KCNMA1: variants seen among roughly 807,000 people sequenced by gnomAD.
KCNMA1 encodes the protein Calcium-activated potassium channel subunit alpha-1.
In KCNMA1, 29 loss-of-function variants were observed where a neutral mutation model predicts 140.0. That is an observed-to-expected ratio of 0.21 (90% CI 0.15 to 0.28). The LOEUF (loss-of-function observed/expected upper bound fraction) is 0.28. Among genes scored for constraint, KCNMA1 ranks in the 10% least tolerant of loss-of-function variants. The pLI is 1.00. For missense variants in KCNMA1, 880 were observed against 1,602.2 expected, an observed-to-expected ratio of 0.55 and a Z score of 7.70; for synonymous variants, 612 against 611.9, an observed-to-expected ratio of 1.00 and a Z score of 0.00.
intron 1 of KCNMA1, chr10:77,587,846 C>T (rs765240387): frequency 1.5e-4 from 145 of 985,176 alleles, no homozygotes; most frequent in Non-Finnish European, 1.7e-4. Context: ...ATCTCACGGC[C>T]CCAGTCTTCA....
chr10:77,610,946 C>G (rs951029452), intron 1 of KCNMA1, among the ~76,000 whole-genome samples: 1 of 152,250 alleles, frequency 6.6e-6, no homozygotes, highest in Non-Finnish European at 1.5e-5. Flanking sequence ...GCTCTGGAGT[C>G]CAACTGTCCA....
intron 1 of KCNMA1, among the ~76,000 whole-genome samples, chr10:77,558,240 A>G (rs1326444160): frequency 6.6e-6 from 1 of 152,176 alleles, no homozygotes; most frequent in Non-Finnish European, 1.5e-5. Context: ...AAAAAAATAT[A>G]ACACAGATGG....
At chr10:77,139,512 C>A (rs2098121722) in intron 5 of KCNMA1, among the ~76,000 whole-genome samples, 1 of 152,172 alleles carries the variant, frequency 6.6e-6, no homozygotes, top group African/African-American at 2.4e-5. Flanking sequence ...TTGTTAGGCA[C>A]AATTACATAA....
intron 25 of KCNMA1, among the ~76,000 whole-genome samples, chr10:76,900,167 ACT>A (rs2044495911): frequency 6.6e-6 from 1 of 152,054 alleles, no homozygotes; most frequent in Non-Finnish European, 1.5e-5. Flanking sequence ...TATAATGTAC[ACT>A]GTTTCATAAT....
intron 1 of KCNMA1, among the ~76,000 whole-genome samples, chr10:77,620,728 AC>A (rs985458727): frequency 1.3e-5 from 2 of 152,100 alleles, no homozygotes; most frequent in Non-Finnish European, 2.9e-5. Context: ...ATTTTTGGAA[AC>A]CCAAATTCTT....
At chr10:77,483,038 ACACC>A in intron 1 of KCNMA1, among the ~76,000 whole-genome samples, 1 of 114,166 alleles carries the variant, frequency 8.8e-6, no homozygotes, top group Admixed American at 9.6e-5. Context: ...ACACACACAC[ACACC>A]CCTTGTTCTT....
intron 2 of KCNMA1, among the ~76,000 whole-genome samples, chr10:77,399,365 C>T (rs766601257): frequency 2.0e-5 from 3 of 152,176 alleles, no homozygotes; most frequent in Non-Finnish European, 2.9e-5. Flanking sequence ...TTTATCAGCA[C>T]GTCTTCCAGC....
intron 5 of KCNMA1, among the ~76,000 whole-genome samples, chr10:77,131,604 G>C (rs1192428484): frequency 6.6e-6 from 1 of 151,970 alleles, no homozygotes; most frequent in Non-Finnish European, 1.5e-5. Flanking sequence ...ACTAGGGGGT[G>C]ACAGGCAATA....
chr10:77,147,166 A>C (rs1403464498), intron 5 of KCNMA1, among the ~76,000 whole-genome samples: 1 of 152,244 alleles, frequency 6.6e-6, no homozygotes, highest in Admixed American at 6.5e-5. Context: ...GAACATAAAC[A>C]TCAAGGCTGA....
At chr10:77,196,954 G>T (rs980819865) in intron 3 of KCNMA1, among the ~76,000 whole-genome samples, 28 of 152,002 alleles carry the variant, frequency 1.8e-4, no homozygotes, top group African/African-American at 6.5e-4. Flanking sequence ...GAGAATACAA[G>T]AAAGAAGTAT....
chr10:77,430,675 A>C (rs1426532037), intron 1 of KCNMA1, among the ~76,000 whole-genome samples: 1 of 152,204 alleles, frequency 6.6e-6, no homozygotes, highest in Non-Finnish European at 1.5e-5. Flanking sequence ...AGGACCTCAC[A>C]GTGGTCATAA....
intron 6 of KCNMA1, 117 bp from the exon 7 acceptor site, chr10:77,112,559 C>T: frequency 2.8e-6 from 2 of 724,506 alleles, no homozygotes; most frequent in Non-Finnish European, 5.0e-6. Flanking sequence ...TAACTCCCAA[C>T]CATTTCTCCA....
At chr10:77,200,031 A>T (rs760057812) in intron 3 of KCNMA1, among the ~76,000 whole-genome samples, 3 of 152,048 alleles carry the variant, frequency 2.0e-5, no homozygotes, top group Non-Finnish European at 2.9e-5. Flanking sequence ...GCTCTCTGCA[A>T]CCTCTGCCTC....
intron 1 of KCNMA1, among the ~76,000 whole-genome samples, chr10:77,466,379 T>C (rs1471848839): frequency 6.6e-6 from 1 of 152,166 alleles, no homozygotes; most frequent in Non-Finnish European, 1.5e-5. Flanking sequence ...CAGCCACCCA[T>C]GTATCTCAGA....
intron 14 of KCNMA1, among the ~76,000 whole-genome samples, chr10:77,065,745 G>A (rs1170747359): frequency 6.6e-6 from 1 of 152,056 alleles, no homozygotes. Flanking sequence ...TATTTAACAG[G>A]TTGTACATTT....
At chr10:77,335,814 A>G (rs1332387828) in intron 2 of KCNMA1, among the ~76,000 whole-genome samples, 1 of 152,198 alleles carries the variant, frequency 6.6e-6, no homozygotes, top group Non-Finnish European at 1.5e-5. Context: ...TTCCAGGGTC[A>G]CACAGTTAGC....
At chr10:76,920,020 G>GTGTGTGTGTGTGTTTATATA (rs1177257916) in intron 23 of KCNMA1, among the ~76,000 whole-genome samples, 1 of 34,408 alleles carries the variant, frequency 2.9e-5, no homozygotes, top group African/African-American at 1.1e-4. Context: ...GTGTGTGTGT[G>GTGTGTGTGTGTGTTTATATA]TATATATATA....
In KCNMA1 at chr10:77,436,997, C is replaced by CACACACACACACACAA. The variant is rs59376789; in HGVS notation, c.379-32975_379-32974insTTGTGTGTGTGTGTGT. 2.2e-4 allele frequency among the ~76,000 whole-genome samples: 28 copies of CACACACACACACACAA among 126,966 alleles called. 1 individual carries two copies. The highest frequency in any genetic ancestry group is 7.0e-4 in the African/African-American group (25 of 35,796). The allele number at this position is 126,966 out of a possible 152,430, so 83.3% of individuals were successfully genotyped here. ...ACACACACACACACACACACACACA[C>CACACACACACACACAA]TCCTTCAGCCAAAATGTTCCACTTT... On this transcript the variant is annotated intron_variant, in intron 1 of 27. Transcript: ENST00000286628.
chr10:77,090,331 G>T, intron 10 of KCNMA1, 69 bp downstream of exon 10: 1 of 1,048,022 alleles, frequency 9.5e-7, no homozygotes, highest in Non-Finnish European at 1.5e-6. Flanking sequence ...CACTCTTACA[G>T]ACATTCAGGG....
Sources: allele counts gnomAD v4.1 joint callset (sites outside exome capture counted in the v4.1 genomes callset), GRCh38; gene constraint gnomAD v4.1.1; transcripts MANE v1.5; gene names NCBI Gene and HGNC (gene_info 2026-07-23, HGNC 2026-07-21).